The following PRR15L variants were observed in gnomAD, a reference collection of about 807,000 sequenced individuals.
PRR15L encodes proline rich 15 like.
PRR15L carries 1 observed loss-of-function variant against 3.7 expected under a neutral mutation model. The ratio of observed to expected loss-of-function variants is 0.27; its 90% confidence interval spans 0.09 to 1.27. The LOEUF is 1.27. Among genes scored for constraint, PRR15L ranks in the 50% most tolerant of loss-of-function variants. The pLI is 0.47. For missense variants in PRR15L, 127 were observed against 128.7 expected (o/e 0.99, Z 0.06); for synonymous variants, 57 against 51.9 (o/e 1.10, Z -0.42).
In PRR15L at chr17:47,953,157, G is replaced by C; in HGVS notation, c.78C>G (p.Ile26Met). The C allele has an allele frequency of 6.2e-7, 1 of 1,613,572 alleles. No homozygotes were observed. The highest frequency in any genetic ancestry group is 8.5e-7 in the Non-Finnish European group (1 of 1,179,720). ...CCTCTGTTTGGGCATAGGTGTCAGG[G>C]ATCTCATACAGCACTTTGGGAGTGG... ...KKSTPKVLYE[I>M]PDTYAQTEGD... is the part of the protein sequence containing the mutation. The change falls in exon 2 of 2, where the codon ATC (isoleucine) becomes ATG (methionine). Residue 26 changes from isoleucine (I) to methionine (M), a missense_variant. By Grantham distance (10) the Ile-to-Met change is conservative (BLOSUM62 1). Transcript: ENST00000300557.
At chr17:47,954,779 C>T (rs915877176) in intron 1 of PRR15L, among the ~76,000 whole-genome samples, 1 of 151,682 alleles carries the variant, frequency 6.6e-6, no homozygotes, top group Non-Finnish European at 1.5e-5. Flanking sequence ...TCTCAGGATG[C>T]CTAGCTGCCG....
In PRR15L at chr17:47,953,133, C is replaced by T. The variant is rs781717798; in HGVS notation, c.102G>A (p.Glu34=). ...YEIPDTYAQT[E]GDAEPPRPDA... is the part of the protein sequence containing the mutation. ...CAGGCCTCGGGGGTTCTGCATCTCC[C>T]TCTGTTTGGGCATAGGTGTCAGGGA... The change falls in exon 2 of 2, where the codon GAG becomes GAA. Residue 34 remains glutamate, a synonymous_variant. Coordinates refer to ENST00000300557, the MANE Select transcript of PRR15L (RefSeq NM_024320.4). 3.7e-6 allele frequency: 6 copies of T among 1,614,144 alleles called. No homozygotes were observed. Among genetic ancestry groups the T allele is most frequent in the Non-Finnish European group, 4.2e-6 (5 of 1,180,022 alleles).
At chr17:47,954,846 G>T (rs748002668) in intron 1 of PRR15L, among the ~76,000 whole-genome samples, 39 of 152,070 alleles carry the variant, frequency 2.6e-4, no homozygotes, top group Non-Finnish European at 5.0e-4. Context: ...AAGCTAGAGG[G>T]TATCACCTCC....
At chr17:47,954,311 GC>G (rs2036104253) in intron 1 of PRR15L, among the ~76,000 whole-genome samples, 1 of 152,156 alleles carries the variant, frequency 6.6e-6, no homozygotes, top group South Asian at 2.1e-4. Flanking sequence ...GTTAATCCCT[GC>G]CCACAGAGGT....
At chr17:47,956,933 G>C (rs763510231) in intron 1 of PRR15L, among the ~76,000 whole-genome samples, 1 of 152,252 alleles carries the variant, frequency 6.6e-6, no homozygotes, top group South Asian at 2.1e-4. Flanking sequence ...TGAGCTGGCC[G>C]AGCTAAGGGC....
chr17:47,956,915 C>T (rs1364226122), intron 1 of PRR15L, among the ~76,000 whole-genome samples: 2 of 152,244 alleles, frequency 1.3e-5, no homozygotes, highest in Non-Finnish European at 2.9e-5. Context: ...TTAGCTCGTG[C>T]AGGTTCCTGA....
In PRR15L at chr17:47,953,205, C is replaced by G; in HGVS notation, c.30G>C (p.Leu10=). The G allele has an allele frequency of 6.3e-7, 1 of 1,591,262 alleles. No individual in the cohort carries two copies. Among genetic ancestry groups the G allele is most frequent in the Non-Finnish European group, 8.6e-7 (1 of 1,166,910 alleles). Reference sequence around the variant, plus strand: ...TGGATTTCTTTTTCCGGAGGAAAGTCAGCTTCCACCAACCAATTTCAGTCG... The same window carrying G: ...TGGATTTCTTTTTCCGGAGGAAAGTGAGCTTCCACCAACCAATTTCAGTCG... MTTEIGWWK[L]TFLRKKKSTP... is the part of the protein sequence containing the mutation. Residue 10 remains leucine, a synonymous_variant, in exon 2 of 2, where the codon CTG becomes CTC. Transcript: ENST00000300557.
At chr17:47,957,096 G>A (rs1488705395) in intron 1 of PRR15L, among the ~76,000 whole-genome samples, 1 of 152,274 alleles carries the variant, frequency 6.6e-6, no homozygotes, top group Non-Finnish European at 1.5e-5. Flanking sequence ...CAGCGCTATA[G>A]CATGCACATG....
chr17:47,957,116 GGA>G (rs1220276859), intron 1 of PRR15L, among the ~76,000 whole-genome samples: 1 of 152,272 alleles, frequency 6.6e-6, no homozygotes, highest in Non-Finnish European at 1.5e-5. Context: ...GGGTGTCCCA[GGA>G]GAGGCCCCTC....
chr17:47,954,333 T>A (rs1269845183), intron 1 of PRR15L, among the ~76,000 whole-genome samples: 1 of 152,194 alleles, frequency 6.6e-6, no homozygotes, highest in African/African-American at 2.4e-5. Context: ...AACCATGCAT[T>A]GCAAAGTAAA....
Position 47,952,714 on chromosome 17 carries a change from A to AG in PRR15L, c.*208dup, listed in dbSNP as rs1567716499. 1 of 510,988 alleles carries AG rather than the reference A, an allele frequency of 2.0e-6. No individual in the cohort carries two copies. Among genetic ancestry groups the AG allele is most frequent in the African/African-American group, 1.9e-5 (1 of 52,678 alleles). 31.7% of individuals were successfully genotyped at this position (510,988 alleles called of 1,614,324 possible). Reference sequence around the variant, plus strand: ...AACTAGAGTGCCTTTGTATGTGGTCAGGGGGAGGGTGGAGGACCCTGGGAT... The same window carrying AG: ...AACTAGAGTGCCTTTGTATGTGGTCAGGGGGGAGGGTGGAGGACCCTGGGAT... On this transcript the variant is annotated 3_prime_UTR_variant, in exon 2 of 2. Coordinates refer to ENST00000300557, the MANE Select transcript of PRR15L (RefSeq NM_024320.4).
chr17:47,953,131 C>A lies in PRR15L; in HGVS notation c.104G>T (p.Gly35Val). ...EIPDTYAQTEGDAEPPRPDAG... is the reference protein window; with the variant it reads ...EIPDTYAQTEVDAEPPRPDAG... ...GTCAGGCCTCGGGGGTTCTGCATCT[C>A]CCTCTGTTTGGGCATAGGTGTCAGG... The change falls in exon 2 of 2, where the codon GGA becomes GTA. Residue 35 changes from glycine to valine, a missense_variant. By Grantham distance (109) the Gly-to-Val change is moderately radical (BLOSUM62 -3). Coordinates refer to ENST00000300557, the MANE Select transcript of PRR15L (RefSeq NM_024320.4). 1 of 1,614,112 alleles carries A rather than the reference C, an allele frequency of 6.2e-7. No homozygotes were observed. The highest frequency in any genetic ancestry group is 1.3e-5 in the African/African-American group (1 of 75,028).
At chr17:47,954,786 GC>G (rs34464779) in intron 1 of PRR15L, among the ~76,000 whole-genome samples, 2,899 of 152,278 alleles carry the variant, frequency 0.019, 96 homozygotes, top group African/African-American at 0.065. Flanking sequence ...ATGCCTAGCT[GC>G]CGGCTGTGAA....
In PRR15L at chr17:47,956,932, C is replaced by T. The variant is rs528641132; in HGVS notation, c.-30+725G>A. ...AGCTCGTGCAGGTTCCTGAGCTGGC[C>T]GAGCTAAGGGCTGGGCCCTTGCCCT... On this transcript the variant is annotated intron_variant, in intron 1 of 1. Transcript: ENST00000300557. Among the ~76,000 whole-genome samples, 7 of 152,166 alleles carry T rather than the reference C, an allele frequency of 4.6e-5. No individual in the cohort carries two copies. In the South Asian group the frequency reaches 1.2e-3, roughly 27 times the overall value.
chr17:47,953,306 A>C, intron 1 of PRR15L, 43 bp from the exon 2 acceptor site: 4 of 1,228,660 alleles, frequency 3.3e-6, no homozygotes, highest in Admixed American at 2.3e-5. Flanking sequence ...CAGTGGGAAA[A>C]GGGGGTGGGT....
chr17:47,953,790 A>G (rs2036099575), intron 1 of PRR15L, among the ~76,000 whole-genome samples: 1 of 152,214 alleles, frequency 6.6e-6, no homozygotes, highest in African/African-American at 2.4e-5. Context: ...GAAAAGGGTC[A>G]AAGTCAAGGT....
intron 1 of PRR15L, among the ~76,000 whole-genome samples, chr17:47,953,842 C>T (rs1014541211): frequency 6.6e-6 from 1 of 152,142 alleles, no homozygotes; most frequent in Admixed American, 6.5e-5. Flanking sequence ...GGCAGTGGGA[C>T]AGGCACACAC....
chr17:47,956,476 AAAC>A (rs1342842859), intron 1 of PRR15L, among the ~76,000 whole-genome samples: 6 of 152,178 alleles, frequency 3.9e-5, no homozygotes, highest in South Asian at 2.1e-4. Context: ...TTTTCTCAAA[AAAC>A]AACAACAACA....
In PRR15L at chr17:47,952,704, G is replaced by A. The variant is rs2036080272; in HGVS notation, c.*219C>T. On this transcript the variant is annotated 3_prime_UTR_variant, in exon 2 of 2. Transcript: ENST00000300557. ...TTCACTCTTGAACTAGAGTGCCTTT[G>A]TATGTGGTCAGGGGGAGGGTGGAGG... 2.0e-6 allele frequency: 1 copy of A among 491,318 alleles called. No homozygotes were observed. The highest frequency in any genetic ancestry group is 3.6e-6 in the Non-Finnish European group (1 of 276,492). The allele number at this position is 491,318 out of a possible 1,614,324, so 30.4% of individuals were successfully genotyped here. A position where few individuals can be genotyped will look rare whatever the true frequency, so the allele number is the denominator to read the frequency against.
Sources: allele counts gnomAD v4.1 joint callset (sites outside exome capture counted in the v4.1 genomes callset), GRCh38; gene constraint gnomAD v4.1.1; transcripts MANE v1.5; gene names NCBI Gene and HGNC (gene_info 2026-07-23, HGNC 2026-07-21).